Variants in MYRIP observed in about 807,000 individuals in gnomAD.
MYRIP encodes the protein myosin VIIA and Rab interacting protein, also known as rab effector MyRIP.
In MYRIP, 49 loss-of-function variants were observed where a neutral mutation model predicts 98.0. The observed-to-expected ratio is 0.50, with a 90% CI of 0.40 to 0.63. The LOEUF (loss-of-function observed/expected upper bound fraction) is 0.63. MYRIP is among the 30% of genes least tolerant of loss of function. The pLI is 0.00. For synonymous variants in MYRIP, 404 were observed against 409.5 expected, an observed-to-expected ratio of 0.99 and a Z score of 0.16; for missense variants, 1,004 against 1,058.2, an observed-to-expected ratio of 0.95 and a Z score of 0.71.
chr3:39,817,166 G>A (rs1387670969), intron 1 of MYRIP, among the ~76,000 whole-genome samples: 2 of 152,170 alleles, frequency 1.3e-5, no homozygotes, highest in South Asian at 2.1e-4. Flanking sequence ...GATGAAACTA[G>A]GTTGACAATC....
At chr3:39,947,111 G>C (rs555891191) in intron 2 of MYRIP, among the ~76,000 whole-genome samples, 1 of 152,220 alleles carries the variant, frequency 6.6e-6, no homozygotes, top group East Asian at 1.9e-4. Flanking sequence ...AAGAGAAATA[G>C]GCAAATGCTT....
At chr3:39,810,105 G>A (rs1034889232) in intron 1 of MYRIP, among the ~76,000 whole-genome samples, 189 bp downstream of exon 1, 1 of 152,246 alleles carries the variant, frequency 6.6e-6, no homozygotes, top group Non-Finnish European at 1.5e-5. Context: ...GGGGCGAGGG[G>A]CGCGGGTACT....
rs958162365 is a variant in MYRIP at position 40,233,973 on chromosome 3, C to T, written c.2020C>T (p.Pro674Ser). The T allele has an allele frequency of 1.2e-6, 2 of 1,613,596 alleles. No homozygotes were observed. Among genetic ancestry groups the T allele is most frequent in the Non-Finnish European group, 1.7e-6 (2 of 1,179,840 alleles). The part of the protein sequence containing the change: ...TGPWESPQVP[P>S]DRQKGMFPRG... The stretch of plus-strand genomic sequence containing the variant: ...GCCCTGGGAGTCCCCACAAGTCCCT[C>T]CTGACAGACAGAAGGGGATGTTTCC... Residue 674 changes from proline (P) to serine (S), a missense_variant, in exon 12 of 17, where the codon CCT becomes TCT. Physicochemically the swap from Pro to Ser is moderately conservative, Grantham distance 74 (BLOSUM62 -1). This residue lies in a region of MYRIP where 880 missense variants were observed against 907.7 expected (regional missense o/e 0.97). Transcript: ENST00000302541.
intron 8 of MYRIP, among the ~76,000 whole-genome samples, chr3:40,170,458 C>T (rs1950589593): frequency 6.6e-6 from 1 of 152,196 alleles, no homozygotes; most frequent in East Asian, 1.9e-4. Context: ...GCTTGCTTTA[C>T]TGAAACTGAA....
chr3:40,066,030 G>C (rs549787803), intron 3 of MYRIP, among the ~76,000 whole-genome samples: 1 of 152,280 alleles, frequency 6.6e-6, no homozygotes, highest in South Asian at 2.1e-4. Flanking sequence ...AGGAAAAATA[G>C]GCCTTGCTGT....
At chr3:40,169,422 T>C (rs1341745375) in intron 7 of MYRIP, among the ~76,000 whole-genome samples, 3 of 152,204 alleles carry the variant, frequency 2.0e-5, no homozygotes, top group Non-Finnish European at 4.4e-5. Flanking sequence ...TAAATCCAAA[T>C]GACTGTGCAA....
intron 3 of MYRIP, among the ~76,000 whole-genome samples, chr3:40,074,369 A>C (rs1423945007): frequency 6.6e-6 from 1 of 152,106 alleles, no homozygotes; most frequent in Non-Finnish European, 1.5e-5. Flanking sequence ...AGAAACTCCT[A>C]CCTATGCATT....
At chr3:39,826,436 GTTGT>G (rs1353001779) in intron 1 of MYRIP, among the ~76,000 whole-genome samples, 2 of 152,002 alleles carry the variant, frequency 1.3e-5, no homozygotes, top group African/African-American at 4.8e-5. Flanking sequence ...TCAGGAACGT[GTTGT>G]TTAATTTCTG....
In MYRIP at chr3:39,990,728, T is replaced by G. The variant is rs57939910; in HGVS notation, c.111-53322T>G. On this transcript the variant is annotated intron_variant, in intron 2 of 16. Transcript: ENST00000302541. ...GAGAGGATACATTCCCTTTGCCAAGTAAACATTTTTCAGTTTCTAAGTGCA... is the reference window on the plus strand; with the variant it reads ...GAGAGGATACATTCCCTTTGCCAAGGAAACATTTTTCAGTTTCTAAGTGCA... 7.7e-3 allele frequency among the ~76,000 whole-genome samples: 1,167 copies of G among 152,306 alleles called. 11 individuals carry two copies. Among genetic ancestry groups the G allele is most frequent in the African/African-American group, 0.027 (1,121 of 41,562 alleles).
At chr3:39,889,320 A>T (rs1943413394) in intron 1 of MYRIP, among the ~76,000 whole-genome samples, 1 of 152,212 alleles carries the variant, frequency 6.6e-6, no homozygotes, top group African/African-American at 2.4e-5. Context: ...AAAATGTGGC[A>T]CATATACACC....
chr3:39,967,728 C>A (rs552396585), intron 2 of MYRIP, among the ~76,000 whole-genome samples: 8 of 152,182 alleles, frequency 5.3e-5, no homozygotes, highest in Admixed American at 1.3e-4. Flanking sequence ...CATTTCCCTG[C>A]AACCTTGCCA....
At chr3:40,028,189 C>T (rs975410551) in intron 2 of MYRIP, among the ~76,000 whole-genome samples, 3 of 152,090 alleles carry the variant, frequency 2.0e-5, no homozygotes, top group Admixed American at 1.3e-4. Flanking sequence ...TCAGAGCTGG[C>T]GTGGTGATAG....
chr3:40,121,833 G>C (rs1232343638), intron 3 of MYRIP, among the ~76,000 whole-genome samples: 1 of 152,156 alleles, frequency 6.6e-6, no homozygotes, highest in African/African-American at 2.4e-5. Context: ...AAGTAAAAAA[G>C]GGGTTTCTGA....
At chr3:39,852,719 C>T (rs1942168458) in intron 1 of MYRIP, among the ~76,000 whole-genome samples, 1 of 152,000 alleles carries the variant, frequency 6.6e-6, no homozygotes, top group Non-Finnish European at 1.5e-5. Context: ...TATTTCTTCT[C>T]TCCTCTCCTC....
At chr3:39,822,868 C>CTTT (rs35751546) in intron 1 of MYRIP, among the ~76,000 whole-genome samples, 19 of 146,796 alleles carry the variant, frequency 1.3e-4, no homozygotes, top group South Asian at 2.1e-4. Context: ...GGATTTGATT[C>CTTT]TTTTTTTTTT....
At chr3:39,889,530 G>A (rs952041125) in intron 1 of MYRIP, among the ~76,000 whole-genome samples, 14 of 152,252 alleles carry the variant, frequency 9.2e-5, no homozygotes, top group Admixed American at 3.9e-4. Context: ...GGACCGTTGT[G>A]GGGTGGGGGT....
chr3:40,041,019 G>T (rs1213467136), intron 2 of MYRIP, among the ~76,000 whole-genome samples: 2 of 28,500 alleles, frequency 7.0e-5, no homozygotes, highest in African/African-American at 2.5e-4. Flanking sequence ...AATATTACCA[G>T]CAGAAAAAAA....
intron 3 of MYRIP, among the ~76,000 whole-genome samples, chr3:40,102,199 T>G (rs1015578160): frequency 5.9e-5 from 9 of 152,160 alleles, no homozygotes; most frequent in Non-Finnish European, 1.2e-4. Context: ...TATGCTAACC[T>G]TTCTAAGGAG....
intron 2 of MYRIP, among the ~76,000 whole-genome samples, chr3:39,923,087 C>G (rs141500135): frequency 2.6e-5 from 4 of 151,912 alleles, no homozygotes; most frequent in Admixed American, 6.6e-5. Context: ...AGCTCAATAG[C>G]AGAACAGAAG....
Sources: allele counts gnomAD v4.1 joint callset (sites outside exome capture counted in the v4.1 genomes callset), GRCh38; gene constraint gnomAD v4.1.1; regional missense constraint gnomAD v4.1.1; transcripts MANE v1.5; gene names NCBI Gene and HGNC (gene_info 2026-07-23, HGNC 2026-07-21).